The following MAL variants were observed in gnomAD, a reference collection of about 807,000 sequenced individuals.
The protein encoded by MAL is mal, T cell differentiation protein (MAL blood group).
Under a neutral mutation model 16.7 loss-of-function variants are expected in MAL, and 5 were observed. That is an observed-to-expected ratio of 0.30 (90% CI 0.16 to 0.63). The LOEUF (loss-of-function observed/expected upper bound fraction) is 0.63. Ranked by LOEUF, MAL falls within the 30% of genes least tolerant of loss-of-function variation. MAL has a pLI of 0.82. For synonymous variants in MAL, 96 were observed against 85.5 expected (o/e 1.12, Z -0.67); for missense variants, 202 against 195.8 (o/e 1.03, Z -0.19).
chr2:95,053,636 G>C lies in MAL; in HGVS notation c.*181G>C, dbSNP rs1413479444. The C allele has an allele frequency of 1.7e-6, 1 of 595,952 alleles. No individual in the cohort carries two copies. Among genetic ancestry groups the C allele is most frequent in the Non-Finnish European group, 3.0e-6 (1 of 337,098 alleles). The allele number at this position is 595,952 out of a possible 1,614,324, so 36.9% of individuals were successfully genotyped here. A position where few individuals can be genotyped will look rare whatever the true frequency, so the allele number is the denominator to read the frequency against. On this transcript the variant is annotated 3_prime_UTR_variant, in exon 4 of 4. Transcript: ENST00000309988. ...TCGTGGGTGCTGTGTTTACTCTCCC[G>C]TGTGCCTTCGCGTCCGGGTTGGGAG...
intron 1 of MAL, chr2:95,044,641 A>T (rs1183311185): frequency 6.6e-6 from 1 of 152,264 alleles, no homozygotes; most frequent in African/African-American, 2.4e-5. Context: ...CAAGGTTCCC[A>T]CTATAGACTG....
intron 1 of MAL, among the ~76,000 whole-genome samples, chr2:95,038,728 G>A (rs1158956267): frequency 6.6e-6 from 1 of 150,806 alleles, no homozygotes. Flanking sequence ...GACTGAGTAA[G>A]AGACTGAGTG....
intron 1 of MAL, among the ~76,000 whole-genome samples, chr2:95,037,890 G>A (rs1164746785): frequency 2.7e-5 from 4 of 150,858 alleles, no homozygotes; most frequent in Non-Finnish European, 5.9e-5. Context: ...CTGAGTGACC[G>A]AGTGGGTGAG....
intron 1 of MAL, among the ~76,000 whole-genome samples, chr2:95,032,737 G>T (rs943656386): frequency 3.3e-5 from 5 of 152,160 alleles, no homozygotes; most frequent in African/African-American, 9.7e-5. Flanking sequence ...CTGGTGAAAG[G>T]TTTGATACCC....
intron 1 of MAL, among the ~76,000 whole-genome samples, chr2:95,027,624 C>G (rs984051760): frequency 6.6e-6 from 1 of 152,174 alleles, no homozygotes; most frequent in African/African-American, 2.4e-5. Flanking sequence ...ACTGTAAATA[C>G]GAAGCTGTAT....
chr2:95,038,539 ACT>A (rs1202775476), intron 1 of MAL, among the ~76,000 whole-genome samples: 1 of 150,098 alleles, frequency 6.7e-6, no homozygotes. Context: ...TGAGTGAGTG[ACT>A]GAGTGACTGA....
chr2:95,046,942 AAGAAAG>A (rs1674601932), intron 1 of MAL, among the ~76,000 whole-genome samples: 1 of 151,218 alleles, frequency 6.6e-6, no homozygotes, highest in Non-Finnish European at 1.5e-5. Context: ...AAGAGAAAGA[AAGAAAG>A]AGAAAAAAGA....
chr2:95,049,754 C>T (rs1217058863), intron 3 of MAL, 48 bp downstream of exon 3: 2 of 1,609,318 alleles, frequency 1.2e-6, no homozygotes, highest in Non-Finnish European at 1.7e-6. Context: ...GGCTCCGTGG[C>T]TGGCAGGGTG....
intron 1 of MAL, among the ~76,000 whole-genome samples, chr2:95,028,123 A>G (rs1269179398): frequency 3.5e-5 from 5 of 144,344 alleles, no homozygotes; most frequent in Non-Finnish European, 7.5e-5. Flanking sequence ...ACTGACCAAC[A>G]TGGTGAAACC....
intron 1 of MAL, among the ~76,000 whole-genome samples, chr2:95,035,358 G>T (rs2104335724): frequency 6.6e-6 from 1 of 152,264 alleles, no homozygotes; most frequent in South Asian, 2.1e-4. Flanking sequence ...TTATCCTGCT[G>T]GGTAAGGCCA....
chr2:95,052,470 AG>A (rs1674740731), intron 3 of MAL, among the ~76,000 whole-genome samples: 2 of 152,196 alleles, frequency 1.3e-5, no homozygotes, highest in Admixed American at 6.5e-5. Flanking sequence ...CCAGGCAATG[AG>A]GGAAAGGGCT....
intron 1 of MAL, among the ~76,000 whole-genome samples, chr2:95,037,896 G>A (rs893144635): frequency 6.6e-6 from 1 of 150,560 alleles, no homozygotes; most frequent in African/African-American, 2.5e-5. Flanking sequence ...GACCGAGTGG[G>A]TGAGTGAGTG....
At chr2:95,049,538 G>GTC (rs1228867923) in intron 2 of MAL, 43 bp from the exon 3 acceptor site, 4 of 1,609,784 alleles carry the variant, frequency 2.5e-6, no homozygotes, top group African/African-American at 1.3e-5. Context: ...TCTGGGCCCC[G>GTC]TCTCTCTCTC....
chr2:95,041,121 G>T (rs1461864756), intron 1 of MAL, among the ~76,000 whole-genome samples: 1 of 152,160 alleles, frequency 6.6e-6, no homozygotes, highest in Non-Finnish European at 1.5e-5. Context: ...CCTCTGCATT[G>T]CCTCTGTTAC....
chr2:95,029,246 T>C (rs540160713), intron 1 of MAL, among the ~76,000 whole-genome samples: 5 of 152,330 alleles, frequency 3.3e-5, no homozygotes, highest in African/African-American at 1.2e-4. Context: ...CCTTCTGTTA[T>C]CTTATTCTCT....
At chr2:95,026,518 T>C (rs938335632) in intron 1 of MAL, 1 of 11,938 alleles carries the variant, frequency 8.4e-5, no homozygotes, top group African/African-American at 3.7e-4. Context: ...GGGTGGGGGG[T>C]GGGGGGTGGC....
intron 1 of MAL, among the ~76,000 whole-genome samples, chr2:95,031,222 A>G (rs1271390914): frequency 6.6e-6 from 1 of 152,092 alleles, no homozygotes; most frequent in Non-Finnish European, 1.5e-5. Flanking sequence ...TCACCTAATC[A>G]GCCACACGAG....
chr2:95,047,037 G>C (rs553955380), intron 1 of MAL, among the ~76,000 whole-genome samples: 3 of 152,000 alleles, frequency 2.0e-5, no homozygotes, highest in Non-Finnish European at 4.4e-5. Flanking sequence ...GAAGGAAAGA[G>C]AGAGAGAGAA....
intron 1 of MAL, among the ~76,000 whole-genome samples, chr2:95,039,006 GAGTGGGTGAGTC>G (rs1674351809): frequency 2.0e-5 from 3 of 151,948 alleles, no homozygotes; most frequent in Admixed American, 2.0e-4. Flanking sequence ...GTGAGTGACT[GAGTGGGTGAGTC>G]AGTGACTGAG....
Sources: allele counts gnomAD v4.1 joint callset (sites outside exome capture counted in the v4.1 genomes callset), GRCh38; gene constraint gnomAD v4.1.1; transcripts MANE v1.5; gene names NCBI Gene and HGNC (gene_info 2026-07-23, HGNC 2026-07-21).